RPS6KC1: variants seen among roughly 807,000 people sequenced by gnomAD.
RPS6KC1 encodes the protein inactive ribosomal protein S6 kinase delta-1.
In RPS6KC1, 54 loss-of-function variants were observed where a neutral mutation model predicts 103.8. The observed-to-expected ratio is 0.52, with a 90% CI of 0.42 to 0.65. The LOEUF is 0.65. RPS6KC1 is among the 30% of genes least tolerant of loss of function. The pLI, the probability that RPS6KC1 is intolerant of heterozygous loss-of-function variation, is 0.00. For missense variants in RPS6KC1, 1,151 were observed against 1,253.8 expected, an observed-to-expected ratio of 0.92 and a Z score of 1.24; for synonymous variants, 439 against 438.7, an observed-to-expected ratio of 1.00 and a Z score of -0.01.
intron 10 of RPS6KC1, among the ~76,000 whole-genome samples, chr1:213,232,507 A>T (rs2094127887): frequency 6.6e-6 from 1 of 152,178 alleles, no homozygotes; most frequent in Admixed American, 6.5e-5. Context: ...GAATTTACCT[A>T]ATATAATGAG....
At chr1:213,523,893 C>A in the RPS6KC1 span, among the ~76,000 whole-genome samples, 1 of 152,082 alleles carries the variant, frequency 6.6e-6, no homozygotes, top group African/African-American at 2.4e-5. Context: ...AGGCATTCAC[C>A]AGGGAACGGG....
At chr1:213,678,864 A>C in the RPS6KC1 span, among the ~76,000 whole-genome samples, 2,342 of 152,290 alleles carry the variant, frequency 0.015, 57 homozygotes, top group East Asian at 0.11. Context: ...CCTCCTTAGC[A>C]AGTTGTCCTA....
chr1:213,532,415 C>T, the RPS6KC1 span, among the ~76,000 whole-genome samples: 2 of 152,154 alleles, frequency 1.3e-5, no homozygotes, highest in African/African-American at 4.8e-5. Context: ...AAAAAAAAGT[C>T]ACTTGGAACC....
the RPS6KC1 span, among the ~76,000 whole-genome samples, chr1:213,658,389 G>A: frequency 1.3e-5 from 2 of 152,308 alleles, no homozygotes; most frequent in Admixed American, 1.3e-4. Context: ...AAGATTAAGG[G>A]AAGCCCTGCA....
At chr1:213,292,295 A>T in the RPS6KC1 span, among the ~76,000 whole-genome samples, 2 of 152,254 alleles carry the variant, frequency 1.3e-5, no homozygotes, top group South Asian at 4.1e-4. Context: ...AAAACAAAAA[A>T]AACATGTTGA....
chr1:213,099,627 A>G (rs2148729894), intron 3 of RPS6KC1, among the ~76,000 whole-genome samples: 1 of 152,238 alleles, frequency 6.6e-6, no homozygotes, highest in South Asian at 2.1e-4. Context: ...CATTACCAAC[A>G]CCTAAAAGTT....
chr1:213,570,299 A>T, the RPS6KC1 span, among the ~76,000 whole-genome samples: 5 of 152,218 alleles, frequency 3.3e-5, no homozygotes, highest in African/African-American at 1.2e-4. Flanking sequence ...TGTGTATGTG[A>T]AATGCCTGGC....
chr1:213,560,108 G>T, the RPS6KC1 span, among the ~76,000 whole-genome samples: 1 of 152,090 alleles, frequency 6.6e-6, no homozygotes, highest in Non-Finnish European at 1.5e-5. Context: ...CTAGTCTCCT[G>T]TAATAGGCAA....
At chr1:213,719,357 G>A in the RPS6KC1 span, among the ~76,000 whole-genome samples, 1 of 152,296 alleles carries the variant, frequency 6.6e-6, no homozygotes, top group East Asian at 1.9e-4. Context: ...AGTGCTAAGT[G>A]GAGGGGAAAC....
At chr1:213,214,234 G>A (rs1207928620) in intron 8 of RPS6KC1, among the ~76,000 whole-genome samples, 6 of 152,242 alleles carry the variant, frequency 3.9e-5, no homozygotes, top group Admixed American at 6.5e-5. Flanking sequence ...ATTATATCCC[G>A]CGCCTGGCTT....
chr1:213,665,022 T>C, the RPS6KC1 span, among the ~76,000 whole-genome samples: 5 of 152,326 alleles, frequency 3.3e-5, no homozygotes, highest in South Asian at 1.0e-3. Context: ...TTTTGGATCA[T>C]GTAAAATCAT....
At chr1:213,498,400 C>T in the RPS6KC1 span, among the ~76,000 whole-genome samples, 1 of 152,166 alleles carries the variant, frequency 6.6e-6, no homozygotes, top group South Asian at 2.1e-4. Flanking sequence ...CCAAGAAATA[C>T]TTTTGATAAA....
chr1:213,053,860 G>A (rs1020117459), intron 1 of RPS6KC1, among the ~76,000 whole-genome samples: 4 of 149,670 alleles, frequency 2.7e-5, no homozygotes, highest in African/African-American at 7.4e-5. Context: ...TTTCCAAGGC[G>A]TAGTCTCGCT....
At chr1:213,087,010 C>T (rs2080457630) in intron 3 of RPS6KC1, among the ~76,000 whole-genome samples, 3 of 151,866 alleles carry the variant, frequency 2.0e-5, no homozygotes, top group Admixed American at 2.0e-4. Context: ...ACCTGTTTTA[C>T]AAGATGATTA....
chr1:213,400,879 G>A, the RPS6KC1 span, among the ~76,000 whole-genome samples: 1 of 151,958 alleles, frequency 6.6e-6, no homozygotes, highest in Non-Finnish European at 1.5e-5. Context: ...GCTAACTTTT[G>A]TATTTTTAGT....
At chr1:213,667,160 T>G in the RPS6KC1 span, among the ~76,000 whole-genome samples, 1 of 152,156 alleles carries the variant, frequency 6.6e-6, no homozygotes, top group Admixed American at 6.5e-5. Context: ...AAGGATCTTG[T>G]CACTGTACAT....
chr1:213,618,027 A>G, the RPS6KC1 span, among the ~76,000 whole-genome samples: 1 of 152,216 alleles, frequency 6.6e-6, no homozygotes, highest in Non-Finnish European at 1.5e-5. Context: ...CATTCATCCC[A>G]CAATTCATTT....
chr1:213,784,178 C>G, the RPS6KC1 span, among the ~76,000 whole-genome samples: 1 of 152,224 alleles, frequency 6.6e-6, no homozygotes, highest in Non-Finnish European at 1.5e-5. Flanking sequence ...ATTGCAAACT[C>G]TCTCTAAAGA....
At chr1:213,213,018 T>C (rs1306479780) in intron 8 of RPS6KC1, among the ~76,000 whole-genome samples, 1 of 152,228 alleles carries the variant, frequency 6.6e-6, no homozygotes, top group Non-Finnish European at 1.5e-5. Flanking sequence ...GTGGCTTGTT[T>C]TCTCATTCTC....
Sources: gnomAD v4.1 joint callset for allele counts (sites outside exome capture counted in the v4.1 genomes callset) on GRCh38, gnomAD v4.1.1 for gene constraint, MANE v1.5 for transcripts, NCBI Gene and HGNC (gene_info 2026-07-23, HGNC 2026-07-21) for gene names.